Variants in PTPRM observed in about 807,000 individuals in gnomAD.
PTPRM encodes receptor-type tyrosine-protein phosphatase mu.
A neutral mutation model predicts 186.7 loss-of-function variants in PTPRM; 47 were observed. The ratio of observed to expected loss-of-function variants is 0.25; its 90% confidence interval spans 0.20 to 0.32. The LOEUF (loss-of-function observed/expected upper bound fraction) is 0.32. PTPRM is among the 10% of genes least tolerant of loss of function. PTPRM has a pLI of 1.00. For missense variants in PTPRM, 1,494 were observed against 1,865.0 expected (o/e 0.80, Z 3.66); for synonymous variants, 668 against 674.9 (o/e 0.99, Z 0.16).
At chr18:7,717,554 A>G (rs539108044) in intron 1 of PTPRM, among the ~76,000 whole-genome samples, 13 of 152,198 alleles carry the variant, frequency 8.5e-5, no homozygotes, top group Non-Finnish European at 1.3e-4. Context: ...CCATTAGTGT[A>G]GATACAAAAG....
chr18:8,015,479 C>G (rs1435063564), intron 7 of PTPRM, among the ~76,000 whole-genome samples: 3 of 152,152 alleles, frequency 2.0e-5, no homozygotes, highest in African/African-American at 7.2e-5. Context: ...TCAAATCCAA[C>G]AAAGAGAATG....
At chr18:7,794,457 C>T (rs1029225411) in intron 2 of PTPRM, among the ~76,000 whole-genome samples, 5 of 152,038 alleles carry the variant, frequency 3.3e-5, no homozygotes, top group Admixed American at 1.3e-4. Flanking sequence ...GAACCATTCC[C>T]GTTTCATTAT....
intron 11 of PTPRM, among the ~76,000 whole-genome samples, chr18:8,095,577 G>A (rs2090976191): frequency 6.6e-6 from 1 of 152,084 alleles, no homozygotes; most frequent in African/African-American, 2.4e-5. Flanking sequence ...GTAAGGAAGA[G>A]CTGCAGCAGC....
chr18:7,977,560 T>A (rs1046765379), intron 7 of PTPRM, among the ~76,000 whole-genome samples: 3 of 152,162 alleles, frequency 2.0e-5, no homozygotes, highest in Non-Finnish European at 4.4e-5. Context: ...TTGTCCAACA[T>A]AAGAAAGATA....
At chr18:8,280,409 G>T (rs1247606711) in intron 19 of PTPRM, among the ~76,000 whole-genome samples, 1 of 49,402 alleles carries the variant, frequency 2.0e-5, no homozygotes, top group East Asian at 3.3e-4. Context: ...GTGGTCGGGG[G>T]TGGGGGGGGG....
chr18:8,340,481 AC>A (rs2095468247), intron 22 of PTPRM, among the ~76,000 whole-genome samples: 1 of 152,088 alleles, frequency 6.6e-6, no homozygotes, highest in South Asian at 2.1e-4. Context: ...GCTTATAAAC[AC>A]CCTTTATTTT....
At position 8,394,476 on chromosome 18, in the gene PTPRM, G is replaced by A. The variant is rs766428418; in HGVS notation, c.4209G>A (p.Leu1403=). ...AGTCATCTGATCTTTTTCACGACAG[G>A]AACGGGGGAGGCCGCAGTGGGACGT... ...GGEGRTVVHC[L]NGGGRSGTFC... The change falls in exon 32 of 33, where the codon TTG becomes TTA. Residue 1403 remains leucine (L), a splice_region_variant and synonymous_variant. Transcript: ENST00000580170. The A allele has an allele frequency of 1.2e-6, 2 of 1,608,282 alleles. No homozygotes were observed. Among genetic ancestry groups the A allele is most frequent in the Admixed American group, 1.7e-5 (1 of 59,320 alleles).
At chr18:8,261,555 A>T (rs955020318) in intron 19 of PTPRM, among the ~76,000 whole-genome samples, 3 of 150,718 alleles carry the variant, frequency 2.0e-5, no homozygotes, top group African/African-American at 7.3e-5. Context: ...TATTTGGTTT[A>T]TTTTTTTTTC....
At chr18:8,006,023 G>A (rs1332995911) in intron 7 of PTPRM, among the ~76,000 whole-genome samples, 1 of 82,064 alleles carries the variant, frequency 1.2e-5, no homozygotes, top group Non-Finnish European at 2.6e-5. Context: ...AGCAAGAGGT[G>A]AAAGGATTCA....
intron 23 of PTPRM, among the ~76,000 whole-genome samples, chr18:8,344,448 G>GTGTATATATATA (rs1360655194): frequency 1.8e-3 from 61 of 33,404 alleles, no homozygotes; most frequent in African/African-American, 4.0e-3. Context: ...GTGTGTGTGT[G>GTGTATATATATA]TATATATATA....
intron 7 of PTPRM, among the ~76,000 whole-genome samples, chr18:7,984,999 A>G (rs2082820230): frequency 7.9e-6 from 1 of 126,386 alleles, no homozygotes; most frequent in Non-Finnish European, 1.5e-5. Flanking sequence ...ATATACATAT[A>G]ATTGTATATA....
intron 7 of PTPRM, among the ~76,000 whole-genome samples, chr18:8,013,967 C>T (rs2084698001): frequency 1.3e-5 from 2 of 152,132 alleles, no homozygotes; most frequent in South Asian, 2.1e-4. Flanking sequence ...TATATCTAAA[C>T]ATATCATCCC....
In PTPRM at chr18:7,986,427, G is replaced by A. The variant is rs1410942189; in HGVS notation, c.1132+31013G>A. Among the ~76,000 whole-genome samples the A allele has an allele frequency of 2.0e-5, 3 of 152,186 alleles. No individual in the cohort carries two copies. In the East Asian group the frequency reaches 5.8e-4, roughly 29 times the overall value. On this transcript the variant is annotated intron_variant, in intron 7 of 32. Transcript: ENST00000580170. Reference sequence around the variant, plus strand: ...GTAGAACTTATTCAAATCTGTGATTGCCAGCTGTTGCCTGGGCAGTGTTTC... The same window carrying A: ...GTAGAACTTATTCAAATCTGTGATTACCAGCTGTTGCCTGGGCAGTGTTTC...
intron 7 of PTPRM, among the ~76,000 whole-genome samples, chr18:8,023,113 T>C (rs940932047): frequency 3.3e-5 from 5 of 151,724 alleles, no homozygotes; most frequent in Non-Finnish European, 7.4e-5. Context: ...GCGGAGGTGA[T>C]GGAAGGACAA....
chr18:8,119,893 T>C (rs1185802292), intron 13 of PTPRM, among the ~76,000 whole-genome samples: 1 of 152,148 alleles, frequency 6.6e-6, no homozygotes, highest in African/African-American at 2.4e-5. Flanking sequence ...ATTTTATACT[T>C]TGAAGACAAT....
At chr18:8,320,952 G>C (rs2095342041) in intron 22 of PTPRM, among the ~76,000 whole-genome samples, 2 of 152,204 alleles carry the variant, frequency 1.3e-5, no homozygotes, top group East Asian at 1.9e-4. Flanking sequence ...GCAAGGCTCA[G>C]CTTGAGCTCT....
intron 13 of PTPRM, among the ~76,000 whole-genome samples, chr18:8,140,584 A>C (rs1568409888): frequency 6.6e-6 from 1 of 151,846 alleles, no homozygotes; most frequent in Non-Finnish European, 1.5e-5. Context: ...AGGAGTCAGT[A>C]GACTGGGCAT....
At chr18:7,882,429 A>G (rs2048557317) in intron 2 of PTPRM, among the ~76,000 whole-genome samples, 1 of 152,162 alleles carries the variant, frequency 6.6e-6, no homozygotes, top group Non-Finnish European at 1.5e-5. Context: ...TGAAGCACAA[A>G]TAACCCCATA....
chr18:8,321,225 C>T (rs2095343534), intron 22 of PTPRM, among the ~76,000 whole-genome samples: 2 of 152,154 alleles, frequency 1.3e-5, no homozygotes, highest in Admixed American at 6.5e-5. Context: ...TCCCGAGCTT[C>T]ATTTCTCTCC....
Sources: allele counts gnomAD v4.1 joint callset (sites outside exome capture counted in the v4.1 genomes callset), GRCh38; gene constraint gnomAD v4.1.1; transcripts MANE v1.5; gene names NCBI Gene and HGNC (gene_info 2026-07-23, HGNC 2026-07-21).